CACNA1I: variants seen among roughly 807,000 people sequenced by gnomAD.
CACNA1I encodes the protein calcium voltage-gated channel subunit alpha1 I, also known as voltage-dependent T-type calcium channel subunit alpha-1I.
CACNA1I carries 74 observed loss-of-function variants against 201.6 expected under a neutral mutation model. The ratio of observed to expected loss-of-function variants is 0.37; its 90% CI spans 0.30 to 0.45. The LOEUF (loss-of-function observed/expected upper bound fraction) is 0.45. Ranked by LOEUF, CACNA1I falls within the 20% of genes least tolerant of loss-of-function variation. CACNA1I has a pLI of 1.00. For synonymous variants in CACNA1I, 1,431 were observed against 1,345.2 expected, an observed-to-expected ratio of 1.06 and a Z score of -1.40; for missense variants, 2,346 against 3,138.1, an observed-to-expected ratio of 0.75 and a Z score of 6.03.
intron 32 of CACNA1I, 33 bp from the exon 33 acceptor site, chr22:39,679,689 C>G (rs763237941): frequency 2.4e-5 from 38 of 1,583,360 alleles, no homozygotes; most frequent in African/African-American, 4.0e-5. Flanking sequence ...GCTGATAATC[C>G]CGCCTGTCCC....
chr22:39,611,844 C>G (rs1933395421), intron 3 of CACNA1I, among the ~76,000 whole-genome samples: 1 of 152,186 alleles, frequency 6.6e-6, no homozygotes, highest in Non-Finnish European at 1.5e-5. Flanking sequence ...GCAGCCCATC[C>G]CTCAGCTTTG....
Position 39,682,674 on chromosome 22 carries a change from A to G in CACNA1I, c.5830+13A>G. On this transcript the variant is annotated intron_variant, in intron 35 of 36. Transcript: ENST00000402142. The stretch of plus-strand genomic sequence containing the variant: ...GACAGCAGTCAAGGTGAGGGGTGGG[A>G]GCCCTGCCAGCTCCCCACAGCCCTC... 1 of 1,606,204 alleles carries G rather than the reference A, an allele frequency of 6.2e-7. No homozygotes were observed. Among genetic ancestry groups the G allele is most frequent in the Non-Finnish European group, 8.5e-7 (1 of 1,175,654 alleles).
Position 39,631,685 on chromosome 22 carries a change from T to C in CACNA1I, c.581-2880T>C, listed in dbSNP as rs188216590. Among the ~76,000 whole-genome samples, 35 of 152,340 alleles carry C rather than the reference T, an allele frequency of 2.3e-4. No individual in the cohort carries two copies. The East Asian group carries it at 4.8e-3, about 21-fold the overall frequency. ...CTTCTGTCTCTCTTTCTGTCACTCCTGGTTTCACTTTCTCCTCTGTCTGCT... is the reference window on the plus strand; with the variant it reads ...CTTCTGTCTCTCTTTCTGTCACTCCCGGTTTCACTTTCTCCTCTGTCTGCT... On this transcript the variant is annotated intron_variant, in intron 4 of 36. Transcript: ENST00000402142.
At chr22:39,582,207 C>G (rs1932576857) in intron 1 of CACNA1I, among the ~76,000 whole-genome samples, 1 of 152,160 alleles carries the variant, frequency 6.6e-6, no homozygotes, top group Non-Finnish European at 1.5e-5. Flanking sequence ...TTGGGCTTCA[C>G]CAAGTACAAG....
intron 3 of CACNA1I, among the ~76,000 whole-genome samples, chr22:39,611,730 G>T (rs1159481045): frequency 1.3e-5 from 2 of 152,154 alleles, no homozygotes; most frequent in Non-Finnish European, 2.9e-5. Context: ...TAAACCACTG[G>T]AGTAAAGTAA....
Position 39,627,198 on chromosome 22 carries a change from C to T in CACNA1I, c.581-7367C>T, listed in dbSNP as rs1413105467. 2.0e-5 allele frequency among the ~76,000 whole-genome samples: 3 copies of T among 152,230 alleles called. 1 individual carries two copies. The highest frequency in any genetic ancestry group is 3.8e-4 in the East Asian group (2 of 5,198). On this transcript the variant is annotated intron_variant, in intron 4 of 36. Coordinates refer to ENST00000402142, the MANE Select transcript of CACNA1I (RefSeq NM_021096.4). Reference sequence around the variant, plus strand: ...TTCCAGGGTCAAAGGAGAGAGGTCCCGTGGGCTGCAGTGACACCTCGAGGC... The same window carrying T: ...TTCCAGGGTCAAAGGAGAGAGGTCCTGTGGGCTGCAGTGACACCTCGAGGC...
chr22:39,659,553 G>A lies in CACNA1I; in HGVS notation c.2448+3G>A. The A allele has an allele frequency of 6.2e-7, 1 of 1,606,488 alleles. No individual in the cohort carries two copies. Among genetic ancestry groups the A allele is most frequent in the South Asian group, 1.1e-5 (1 of 90,484 alleles). On this transcript the variant is annotated splice_donor_region_variant and intron_variant, in intron 13 of 36. Transcript: ENST00000402142. This position sits in a 1 kb window ranked among gnomAD's most constrained non-coding sequence, Gnocchi z 4.3. The stretch of plus-strand genomic sequence containing the variant: ...GGGCCATCGTCACTGTGTTCCAGGT[G>A]AGTGGCCGCTGCGTGTTCATGTTTG...
intron 10 of CACNA1I, among the ~76,000 whole-genome samples, chr22:39,657,782 G>T (rs557841042): frequency 6.6e-6 from 1 of 152,258 alleles, no homozygotes; most frequent in South Asian, 2.1e-4. Flanking sequence ...CGCCTGTCCT[G>T]CTTTCCTGTC....
intron 4 of CACNA1I, among the ~76,000 whole-genome samples, chr22:39,631,736 C>T (rs553190726): frequency 2.4e-4 from 37 of 152,320 alleles, no homozygotes; most frequent in Non-Finnish European, 4.7e-4. Flanking sequence ...CTTGCCTCCA[C>T]CTCCTGTGCC....
Position 39,670,212 on chromosome 22 carries a change from C to T in CACNA1I, c.4369C>T (p.Leu1457=). The T allele has an allele frequency of 1.2e-6, 2 of 1,613,238 alleles. No individual in the cohort carries two copies. The highest frequency in any genetic ancestry group is 1.7e-6 in the Non-Finnish European group (2 of 1,179,852). Reference sequence around the variant, plus strand: ...GCGTGAGGAGAAGCGGCTGCGGCGCCTGGAGAAGAAGCGCCGGAGTGAGTG... The same window carrying T: ...GCGTGAGGAGAAGCGGCTGCGGCGCTTGGAGAAGAAGCGCCGGAGTGAGTG... The part of the protein sequence containing the change: ...RRREEKRLRR[L]EKKRRKAQRL... The change falls in exon 25 of 37, where the codon CTG becomes TTG. Residue 1457 remains leucine, a synonymous_variant. Coordinates refer to ENST00000402142, the MANE Select transcript of CACNA1I (RefSeq NM_021096.4).
rs1175142077 is a variant in CACNA1I at position 39,688,002 on chromosome 22, G to C, written c.*1597G>C. The stretch of plus-strand genomic sequence containing the variant: ...GAGGGCTTCAGGGGGGCCTGCCAAG[G>C]GGGGGCCTTGTTCTTGTTCCCAAAC... On this transcript the variant is annotated 3_prime_UTR_variant, in exon 37 of 37. Coordinates refer to ENST00000402142, the MANE Select transcript of CACNA1I (RefSeq NM_021096.4). The surrounding 1 kb of genome is among the most constrained non-coding windows in gnomAD (Gnocchi z 4.8). The C allele has an allele frequency of 1.3e-5, 2 of 152,256 alleles. No homozygotes were observed. Among genetic ancestry groups the C allele is most frequent in the African/African-American group, 2.4e-5 (1 of 41,442 alleles). 9.4% of individuals were successfully genotyped at this position (152,256 alleles called of 1,614,324 possible).
intron 4 of CACNA1I, among the ~76,000 whole-genome samples, chr22:39,620,271 C>A (rs12161012): frequency 2.3e-3 from 102 of 44,278 alleles, no homozygotes; most frequent in African/African-American, 6.8e-3. Context: ...ATCCATCCAT[C>A]CATCCATACG....
At position 39,686,579 on chromosome 22, in the gene CACNA1I, C is replaced by T; in HGVS notation, c.*174C>T. The T allele has an allele frequency of 3.3e-6, 1 of 303,334 alleles. No individual in the cohort carries two copies. The highest frequency in any genetic ancestry group is 5.9e-6 in the Non-Finnish European group (1 of 169,372). The allele number at this position is 303,334 out of a possible 1,614,324, so 18.8% of individuals were successfully genotyped here. On this transcript the variant is annotated 3_prime_UTR_variant, in exon 37 of 37. Coordinates refer to ENST00000402142, the MANE Select transcript of CACNA1I (RefSeq NM_021096.4). ...TCTGGGTTAGCCAGGCCTGCGTGGC[C>T]CATGGTGGCCCTTCCAGTGCATATA... is the stretch of plus-strand genomic sequence containing the variant.
intron 1 of CACNA1I, among the ~76,000 whole-genome samples, chr22:39,580,293 G>T (rs1435359283): frequency 6.6e-6 from 1 of 152,194 alleles, no homozygotes; most frequent in Non-Finnish European, 1.5e-5. Flanking sequence ...GGAGAAAGTT[G>T]TTTTTCTCAG....
rs1196731954 is a variant in CACNA1I at position 39,587,728 on chromosome 22, C to G, written c.237-10423C>G. On this transcript the variant is annotated intron_variant, in intron 1 of 36. Coordinates refer to ENST00000402142, the MANE Select transcript of CACNA1I (RefSeq NM_021096.4). ...AGGTTCCTGTGGGGTTTGGCAATAG[C>G]AGGTGCCCTAGCAGGTGCCTGTGGT... 3 of 451,558 alleles carry G rather than the reference C, an allele frequency of 6.6e-6. No homozygotes were observed. In the Admixed American group the frequency reaches 7.1e-5, roughly 11 times the overall value. The allele number at this position is 451,558 out of a possible 1,614,324, so 28.0% of individuals were successfully genotyped here. A position where few individuals can be genotyped will look rare whatever the true frequency, so the allele number is the denominator to read the frequency against.
intron 1 of CACNA1I, among the ~76,000 whole-genome samples, chr22:39,578,238 T>C (rs1234160128): frequency 6.6e-6 from 1 of 152,086 alleles, no homozygotes; most frequent in Non-Finnish European, 1.5e-5. Context: ...CCTGGTCACT[T>C]AGCCCCTGCC....
At position 39,630,050 on chromosome 22, in the gene CACNA1I, C is replaced by T. The variant is rs955830973; in HGVS notation, c.581-4515C>T. Among the ~76,000 whole-genome samples, 4 of 152,296 alleles carry T rather than the reference C, an allele frequency of 2.6e-5. No homozygotes were observed. The South Asian group carries it at 8.3e-4, about 32-fold the overall frequency. Reference sequence around the variant, plus strand: ...CAGCCGCATGGTCTCCTTGCTGTGGCTGTGGCTGTGCTTGACTCCCTCCCG... The same window carrying T: ...CAGCCGCATGGTCTCCTTGCTGTGGTTGTGGCTGTGCTTGACTCCCTCCCG... On this transcript the variant is annotated intron_variant, in intron 4 of 36. Coordinates refer to ENST00000402142, the MANE Select transcript of CACNA1I (RefSeq NM_021096.4).
chr22:39,650,892 T>A (rs1017103640), intron 10 of CACNA1I, among the ~76,000 whole-genome samples: 6 of 151,634 alleles, frequency 4.0e-5, no homozygotes, highest in Non-Finnish European at 8.8e-5. Flanking sequence ...GGGGAGGATG[T>A]GTGTGTGAGG....
intron 1 of CACNA1I, among the ~76,000 whole-genome samples, chr22:39,594,852 T>A (rs1248118985): frequency 6.6e-6 from 1 of 152,052 alleles, no homozygotes; most frequent in Non-Finnish European, 1.5e-5. Flanking sequence ...AAGGGACACA[T>A]TCCAAGACCC....
Sources: gnomAD v4.1 joint callset for allele counts (sites outside exome capture counted in the v4.1 genomes callset) on GRCh38, gnomAD v4.1.1 for gene constraint, Gnocchi (gnomAD v3.1) non-coding constraint, MANE v1.5 for transcripts, NCBI Gene and HGNC (gene_info 2026-07-23, HGNC 2026-07-21) for gene names.